The following KIF26B variants were observed in gnomAD, a reference collection of about 807,000 sequenced individuals.
The protein encoded by KIF26B is kinesin family member 26B.
A neutral mutation model predicts 151.2 loss-of-function variants in KIF26B; 63 were observed. That is an observed-to-expected ratio of 0.42 (90% CI 0.34 to 0.51). KIF26B has a LOEUF of 0.51. Ranked by LOEUF, KIF26B falls within the 20% of genes least tolerant of loss-of-function variation. The pLI is 0.07. For synonymous variants in KIF26B, 1,357 were observed against 1,262.1 expected (o/e 1.08, Z -1.59); for missense variants, 2,813 against 2,913.6 (o/e 0.97, Z 0.79).
At position 245,479,427 on chromosome 1, in the gene KIF26B, C is replaced by T. The variant is rs1020601259; in HGVS notation, c.1166+59682C>T. On this transcript the variant is annotated intron_variant, in intron 4 of 14. Transcript: ENST00000407071. ...ATCTTAGAGGCATATGCATCAATAT[C>T]GTGTGAAGTCTTTTTTGTTAGCTCT... is the stretch of plus-strand genomic sequence containing the variant. Among the ~76,000 whole-genome samples the T allele has an allele frequency of 1.1e-4, 17 of 151,904 alleles. 1 individual carries two copies. The highest frequency in any genetic ancestry group is 4.1e-4 in the African/African-American group (17 of 41,514).
At chr1:245,409,007 C>T (rs754590086) in intron 3 of KIF26B, among the ~76,000 whole-genome samples, 1 of 152,200 alleles carries the variant, frequency 6.6e-6, no homozygotes, top group Non-Finnish European at 1.5e-5. Flanking sequence ...TGTTTCACAT[C>T]CTCAAAGGCC....
chr1:245,201,554 T>C (rs576402605), intron 2 of KIF26B, among the ~76,000 whole-genome samples: 1 of 152,274 alleles, frequency 6.6e-6, no homozygotes, highest in East Asian at 1.9e-4. Flanking sequence ...TTTGTAACTT[T>C]TAAGACAACA....
At chr1:245,200,601 T>C (rs1669280073) in intron 2 of KIF26B, among the ~76,000 whole-genome samples, 1 of 152,234 alleles carries the variant, frequency 6.6e-6, no homozygotes, top group Non-Finnish European at 1.5e-5. Context: ...TTCCCTTCTT[T>C]AGCCCCTGCT....
intron 3 of KIF26B, among the ~76,000 whole-genome samples, chr1:245,387,168 G>GTTTTTTTTT (rs11453729): frequency 7.1e-6 from 1 of 140,100 alleles, no homozygotes; most frequent in Non-Finnish European, 1.5e-5. Flanking sequence ...TTTGTTTTTT[G>GTTTTTTTTT]TTTTTTGTTT....
intron 4 of KIF26B, among the ~76,000 whole-genome samples, chr1:245,458,414 C>T (rs1425017522): frequency 6.6e-6 from 1 of 152,128 alleles, no homozygotes; most frequent in Admixed American, 6.5e-5. Flanking sequence ...TCAATGTGTC[C>T]AAGGTCCGCC....
chr1:245,304,699 C>CCATCCATCCATCCA (rs1553342834), intron 2 of KIF26B, among the ~76,000 whole-genome samples: 3,819 of 150,642 alleles, frequency 0.025, 79 homozygotes, highest in Middle Eastern at 0.065. Context: ...ACGTCCATCC[C>CCATCCATCCATCCA]TCCATCCATC....
intron 9 of KIF26B, 119 bp downstream of exon 9, chr1:245,612,095 TGTGTGTGTGTGA>T (rs1318372747): frequency 4.5e-4 from 315 of 694,666 alleles, no homozygotes; most frequent in South Asian, 6.2e-4. Context: ...TGTGTGTGTG[TGTGTGTGTGTGA>T]GAGAGAGAGA....
intron 4 of KIF26B, among the ~76,000 whole-genome samples, chr1:245,534,908 G>A (rs892998854): frequency 3.3e-5 from 5 of 151,474 alleles, no homozygotes; most frequent in East Asian, 1.9e-4. Flanking sequence ...TCAGCCACCC[G>A]AGTAGCTGGC....
chr1:245,660,514 AT>A (rs1417245981), intron 10 of KIF26B, among the ~76,000 whole-genome samples: 2 of 150,030 alleles, frequency 1.3e-5, no homozygotes, highest in African/African-American at 2.5e-5. Context: ...ATTTTTAAAA[AT>A]TTTTTTCTAG....
At position 245,349,912 on chromosome 1, in the gene KIF26B, T is replaced by C. The variant is rs536513881; in HGVS notation, c.466-16922T>C. ...AGAACAGGCTTTTGTGAAAAATCAG[T>C]AAGGAATTGCACCTAAAACCCATTT... On this transcript the variant is annotated intron_variant, in intron 2 of 14. Transcript: ENST00000407071. Among the ~76,000 whole-genome samples, 11 of 152,220 alleles carry C rather than the reference T, an allele frequency of 7.2e-5. No homozygotes were observed. In the East Asian group the frequency reaches 2.1e-3, roughly 29 times the overall value.
intron 2 of KIF26B, among the ~76,000 whole-genome samples, chr1:245,197,764 T>G (rs1053297503): frequency 3.3e-5 from 5 of 152,080 alleles, no homozygotes; most frequent in Admixed American, 6.5e-5. Context: ...CAGGAGATAT[T>G]TTGAAATTTT....
At chr1:245,594,760 G>A (rs1335964560) in intron 5 of KIF26B, among the ~76,000 whole-genome samples, 2 of 152,182 alleles carry the variant, frequency 1.3e-5, no homozygotes, top group East Asian at 3.8e-4. Flanking sequence ...ATTTTGGGCA[G>A]TGTGGCCATA....
rs1293399951 is a variant in KIF26B at position 245,708,348 on chromosome 1, G to A, written c.*5742G>A. On this transcript the variant is annotated 3_prime_UTR_variant, in exon 15 of 15. Coordinates refer to ENST00000407071, the MANE Select transcript of KIF26B (RefSeq NM_018012.4). ...CTGAAGTCTAGTCATTGACTGGCCC[G>A]AGTTCACAGAGTGGTTTTATAGCAA... 2.0e-5 allele frequency: 3 copies of A among 152,202 alleles called. No individual in the cohort carries two copies. Among genetic ancestry groups the A allele is most frequent in the South Asian group, 2.1e-4 (1 of 4,818 alleles). The allele number at this position is 152,202 out of a possible 1,614,324, so 9.4% of individuals were successfully genotyped here.
At chr1:245,182,704 C>T (rs533702375) in intron 2 of KIF26B, among the ~76,000 whole-genome samples, 22 of 152,182 alleles carry the variant, frequency 1.4e-4, no homozygotes, top group African/African-American at 4.8e-4. Flanking sequence ...GGCGCCATCT[C>T]GGCTCACTGC....
At chr1:245,421,879 A>T (rs1460630248) in intron 4 of KIF26B, among the ~76,000 whole-genome samples, 1 of 152,148 alleles carries the variant, frequency 6.6e-6, no homozygotes, top group Non-Finnish European at 1.5e-5. Flanking sequence ...AGAGGTCAGG[A>T]TATCAGAGGA....
At chr1:245,607,518 CAG>C (rs2043468674) in intron 6 of KIF26B, 131 bp from the exon 7 acceptor site, 1 of 673,472 alleles carries the variant, frequency 1.5e-6, no homozygotes, top group Non-Finnish European at 2.5e-6. Context: ...AACTTCACGA[CAG>C]AGGCCAACCC....
rs1340151319 is a variant in KIF26B, at chr1:245,163,229, C to A, written c.465+6546C>A. Among the ~76,000 whole-genome samples the A allele has an allele frequency of 3.9e-5, 6 of 152,154 alleles. No homozygotes were observed. In the East Asian group the frequency reaches 1.2e-3, roughly 29 times the overall value. The stretch of plus-strand genomic sequence containing the variant: ...CAATCTCGGCTCACTGCAACCTCCG[C>A]CTCCCAAGTTCAAGCAGTTCTCCCG... On this transcript the variant is annotated intron_variant, in intron 2 of 14. Coordinates refer to ENST00000407071, the MANE Select transcript of KIF26B (RefSeq NM_018012.4).
At chr1:245,608,421 C>T (rs529594511) in intron 7 of KIF26B, among the ~76,000 whole-genome samples, 2 of 152,298 alleles carry the variant, frequency 1.3e-5, no homozygotes, top group East Asian at 1.9e-4. Flanking sequence ...TCACAGAGGC[C>T]AGTTCTCAGC....
chr1:245,228,532 C>T (rs1380287137), intron 2 of KIF26B, among the ~76,000 whole-genome samples: 5 of 150,988 alleles, frequency 3.3e-5, no homozygotes, highest in Non-Finnish European at 7.4e-5. Context: ...CACCACCACA[C>T]TCCACCCTGG....
Sources: allele counts gnomAD v4.1 joint callset (sites outside exome capture counted in the v4.1 genomes callset), GRCh38; gene constraint gnomAD v4.1.1; transcripts MANE v1.5; gene names NCBI Gene and HGNC (gene_info 2026-07-23, HGNC 2026-07-21).